The following LAMA1 variants were observed in gnomAD, a reference collection of about 807,000 sequenced individuals.
The protein encoded by LAMA1 is laminin subunit alpha-1.
LAMA1 carries 219 observed loss-of-function variants against 348.7 expected under a neutral mutation model. The observed-to-expected ratio is 0.63, with a 90% CI of 0.56 to 0.70. The LOEUF is 0.70. Ranked by LOEUF, LAMA1 falls within the 30% of genes least tolerant of loss-of-function variation. LAMA1 has a pLI of 0.00. For synonymous variants in LAMA1, 1,487 were observed against 1,491.0 expected, an observed-to-expected ratio of 1.00 and a Z score of 0.06; for missense variants, 3,744 against 3,888.0, an observed-to-expected ratio of 0.96 and a Z score of 0.99.
rs1328517454 is a variant in LAMA1 at position 7,017,380 on chromosome 18, A to G, written c.2706T>C (p.Cys902=). The change falls in exon 20 of 63, where the codon TGT becomes TGC. Residue 902 remains cysteine, a synonymous_variant. Transcript: ENST00000389658. ...AATGGGAGCCTTTCACATGGCATTC[A>G]CAGGCTAAACACATGCACACAAAGA... ...DAVTAKNCRA[C]ECHVKGSHSA... 1 of 1,611,356 alleles carries G rather than the reference A, an allele frequency of 6.2e-7. No individual in the cohort carries two copies. Among genetic ancestry groups the G allele is most frequent in the Admixed American group, 1.7e-5 (1 of 59,978 alleles).
Position 7,046,192 on chromosome 18 carries a change from GT to G in LAMA1, c.858+85del. 5 of 875,400 alleles carry G rather than the reference GT, an allele frequency of 5.7e-6. No homozygotes were observed. The Admixed American group carries it at 9.7e-5, about 17-fold the overall frequency. 54.2% of individuals were successfully genotyped at this position (875,400 alleles called of 1,614,324 possible). A position where few individuals can be genotyped will look rare whatever the true frequency, so the allele number is the denominator to read the frequency against. ...GCATAATTTTATACCTTTCATGTTTGTTTGGAATAAAAAAGAGTAATGCAAA... is the reference window on the plus strand; with the variant it reads ...GCATAATTTTATACCTTTCATGTTTGTTGGAATAAAAAAGAGTAATGCAAA... On this transcript the variant is annotated intron_variant, in intron 6 of 62. Transcript: ENST00000389658.
At chr18:6,978,032 T>C (rs2057690516) in intron 43 of LAMA1, 151 bp from the exon 44 acceptor site, 1 of 1,247,042 alleles carries the variant, frequency 8.0e-7, no homozygotes, top group Non-Finnish European at 1.2e-6. Flanking sequence ...ACTGCACAAG[T>C]AGCATGCATT....
intron 32 of LAMA1, among the ~76,000 whole-genome samples, chr18:6,998,796 G>A (rs993253605): frequency 1.3e-5 from 2 of 152,208 alleles, no homozygotes; most frequent in African/African-American, 4.8e-5. Context: ...ATTTTGGGAG[G>A]CCAAGGCAGG....
intron 10 of LAMA1, 35 bp from the exon 11 acceptor site, chr18:7,038,985 C>A: frequency 6.4e-7 from 1 of 1,556,692 alleles, no homozygotes. Context: ...CTTTTGAAAC[C>A]AATGTGTCTG....
intron 16 of LAMA1, among the ~76,000 whole-genome samples, chr18:7,030,666 AATT>A (rs572868466): frequency 1.3e-3 from 193 of 152,304 alleles, no homozygotes; most frequent in African/African-American, 4.5e-3. Flanking sequence ...AAAGCTATAA[AATT>A]ATTATTTATT....
Position 7,016,667 on chromosome 18 carries a change from C to A in LAMA1, c.2813G>T (p.Gly938Val). The A allele has an allele frequency of 1.9e-6, 3 of 1,612,176 alleles. No individual in the cohort carries two copies. The highest frequency in any genetic ancestry group is 2.5e-6 in the Non-Finnish European group (3 of 1,179,210). The change falls in exon 21 of 63, where the codon GGC (glycine) becomes GTC (valine). Residue 938 changes from glycine to valine, a missense_variant. Around this residue, in one of 3 missense-constraint regions of LAMA1, gnomAD observed 1,529 missense variants for 1,689.4 expected, o/e 0.91. Transcript: ENST00000389658. Reference protein sequence around the residue: ...TGQQCDQCLHGYYGLDSGHGC... With the variant: ...TGQQCDQCLHVYYGLDSGHGC... Reference sequence around the variant, plus strand: ...ATGGCCTGAGTCCAGCCCATAATAGCCATGCTGTTTCACCAAAGGGGGAGA... The same window carrying A: ...ATGGCCTGAGTCCAGCCCATAATAGACATGCTGTTTCACCAAAGGGGGAGA...
At chr18:7,020,751 CA>C in intron 19 of LAMA1, among the ~76,000 whole-genome samples, 1 of 152,236 alleles carries the variant, frequency 6.6e-6, no homozygotes, top group Non-Finnish European at 1.5e-5. Context: ...ATCTCCATGG[CA>C]AAGGCCCTAC....
chr18:7,034,919 G>A (rs1311127707), intron 13 of LAMA1, among the ~76,000 whole-genome samples: 2 of 152,112 alleles, frequency 1.3e-5, no homozygotes, highest in Non-Finnish European at 2.9e-5. Context: ...TGTGTACTTC[G>A]CTGGGATCTT....
At chr18:6,976,631 G>T (rs548122998) in intron 44 of LAMA1, among the ~76,000 whole-genome samples, 4 of 147,746 alleles carry the variant, frequency 2.7e-5, no homozygotes, top group East Asian at 4.0e-4. Context: ...TATTTATTTA[G>T]GGTCTTGCTC....
rs1260959743 is a variant in LAMA1 at position 6,964,671 on chromosome 18, C to A, written c.7328G>T (p.Arg2443Ile). The A allele has an allele frequency of 6.2e-7, 1 of 1,614,180 alleles. No homozygotes were observed. Among genetic ancestry groups the A allele is most frequent in the Admixed American group, 1.7e-5 (1 of 60,022 alleles). ...PIYVGGLPRS[R>I]VVRRGVTTKS... ...CTGCAGTTTAATATACCTTACAACT[C>A]TTGACCTTGGTAATCCACCCACATA... The change falls in exon 51 of 63, where the codon AGA becomes ATA. Residue 2443 changes from arginine (R) to isoleucine (I), a missense_variant. Coordinates refer to ENST00000389658, the MANE Select transcript of LAMA1 (RefSeq NM_005559.4).
In LAMA1 at chr18:6,965,727, T is replaced by C. The variant is rs577784856; in HGVS notation, c.7051-295A>G. 1.0e-4 allele frequency: 45 copies of C among 442,668 alleles called. No homozygotes were observed. In the East Asian group the frequency reaches 2.0e-3, roughly 19 times the overall value. 27.4% of individuals were successfully genotyped at this position (442,668 alleles called of 1,614,324 possible). ...CTGACAAGGGGCCCGTTCTAAAAAA[T>C]AAAACCAAAAGACTGAAAGACAGAA... On this transcript the variant is annotated intron_variant, in intron 49 of 62. Transcript: ENST00000389658.
At chr18:7,105,981 A>G (rs2058310267) in intron 1 of LAMA1, among the ~76,000 whole-genome samples, 1 of 152,236 alleles carries the variant, frequency 6.6e-6, no homozygotes, top group Non-Finnish European at 1.5e-5. Flanking sequence ...CAATGGGGAC[A>G]CAGAAGAAAC....
chr18:7,038,821 G>T lies in LAMA1; in HGVS notation c.1552C>A (p.Pro518Thr). 1 of 1,614,134 alleles carries T rather than the reference G, an allele frequency of 6.2e-7. No individual in the cohort carries two copies. Among genetic ancestry groups the T allele is most frequent in the Non-Finnish European group, 8.5e-7 (1 of 1,180,030 alleles). Residue 518 changes from proline to threonine, a missense_variant, in exon 11 of 63, where the codon CCT (proline) becomes ACT (threonine). Coordinates refer to ENST00000389658, the MANE Select transcript of LAMA1 (RefSeq NM_005559.4). ...ATGGCGCCTCCCACCTGACCAACAGGCCAAGAGAGGCTGCTGCAGACATCA... is the reference window on the plus strand; with the variant it reads ...ATGGCGCCTCCCACCTGACCAACAGTCCAAGAGAGGCTGCTGCAGACATCA... ...VSDVCSSLSW[P>T]VGQVNSMSGW...
rs2057889796 is a variant in LAMA1 at position 7,016,663 on chromosome 18, A to AT, written c.2816dup (p.Tyr939Ter). The change falls in exon 21 of 63, where the codon TAT becomes TAAT. Residue 939 changes from tyrosine to a stop codon, truncating the protein, a stop_gained and frameshift_variant. Coordinates refer to ENST00000389658, the MANE Select transcript of LAMA1 (RefSeq NM_005559.4). LOFTEE classifies it high-confidence loss of function. ...AGCCATGGCCTGAGTCCAGCCCATA[A>AT]TAGCCATGCTGTTTCACCAAAGGGG... Reference protein sequence around the residue: ...GQQCDQCLHGYYGLDSGHGCR... With the variant: ...GQQCDQCLHG 6.2e-7 allele frequency: 1 copy of AT among 1,612,780 alleles called. No homozygotes were observed. The highest frequency in any genetic ancestry group is 1.1e-5 in the South Asian group (1 of 90,804).
chr18:6,943,651 C>T (rs748095467), intron 61 of LAMA1, among the ~76,000 whole-genome samples: 3 of 151,888 alleles, frequency 2.0e-5, no homozygotes, highest in Non-Finnish European at 4.4e-5. Context: ...GAATTCGAGA[C>T]CAGCCTGAGC....
chr18:6,955,655 A>C, intron 56 of LAMA1, 190 bp from the exon 57 acceptor site: 1 of 686,432 alleles, frequency 1.5e-6, no homozygotes, highest in Non-Finnish European at 2.7e-6. Context: ...CTCCCTGAAG[A>C]AAGCACTTAG....
intron 5 of LAMA1, 35 bp downstream of exon 5, chr18:7,049,043 T>C: frequency 6.3e-7 from 1 of 1,582,372 alleles, no homozygotes. Context: ...TGAATCTTTT[T>C]ATTTTATTTG....
chr18:7,077,894 C>T (rs888713646), intron 3 of LAMA1, among the ~76,000 whole-genome samples: 4 of 151,256 alleles, frequency 2.6e-5, no homozygotes, highest in Admixed American at 6.6e-5. Context: ...TTTGGGAAGC[C>T]GAGGCCGGTG....
intron 42 of LAMA1, among the ~76,000 whole-genome samples, chr18:6,979,701 C>T (rs1052635082): frequency 1.1e-4 from 17 of 152,074 alleles, no homozygotes; most frequent in African/African-American, 7.2e-5. Context: ...AGATCGAGAC[C>T]ATCCTGGCTA....
Sources: gnomAD v4.1 joint callset for allele counts (sites outside exome capture counted in the v4.1 genomes callset) on GRCh38, gnomAD v4.1.1 for gene constraint, gnomAD v4.1.1 regional missense constraint, MANE v1.5 for transcripts, NCBI Gene and HGNC (gene_info 2026-07-23, HGNC 2026-07-21) for gene names.